Variants in PAPPA2 observed in about 807,000 individuals in gnomAD.
PAPPA2 encodes the protein pappalysin-2.
Under a neutral mutation model 176.4 loss-of-function variants are expected in PAPPA2, and 86 were observed. The ratio of observed to expected loss-of-function variants is 0.49; its 90% CI spans 0.41 to 0.58. The LOEUF is 0.58. Ranked by LOEUF, PAPPA2 falls within the 20% of genes least tolerant of loss-of-function variation. The pLI is 0.00. For synonymous variants in PAPPA2, 809 were observed against 852.2 expected (o/e 0.95, Z 0.88); for missense variants, 2,073 against 2,256.9 (o/e 0.92, Z 1.65).
intron 21 of PAPPA2, among the ~76,000 whole-genome samples, chr1:176,810,216 A>C (rs1396854858): frequency 6.6e-6 from 1 of 152,162 alleles, no homozygotes. Context: ...CCAAGATTAC[A>C]TACTTCAAGA....
intron 3 of PAPPA2, among the ~76,000 whole-genome samples, chr1:176,648,380 G>A (rs941135811): frequency 3.3e-5 from 5 of 151,240 alleles, no homozygotes; most frequent in Non-Finnish European, 4.4e-5. Flanking sequence ...TCATGTGTGA[G>A]CAAGGCTAAT....
At chr1:176,743,883 G>T (rs1662791837) in intron 14 of PAPPA2, among the ~76,000 whole-genome samples, 1 of 152,110 alleles carries the variant, frequency 6.6e-6, no homozygotes, top group South Asian at 2.1e-4. Context: ...ATATCCATAA[G>T]ATCTATGAGT....
intron 19 of PAPPA2, among the ~76,000 whole-genome samples, chr1:176,792,585 T>C (rs1437082565): frequency 6.6e-6 from 1 of 152,182 alleles, no homozygotes; most frequent in Non-Finnish European, 1.5e-5. Flanking sequence ...TGTAGTTCTT[T>C]TGATTGTTTT....
intron 3 of PAPPA2, among the ~76,000 whole-genome samples, chr1:176,658,092 T>A (rs1232819059): frequency 6.6e-6 from 1 of 152,150 alleles, no homozygotes; most frequent in Non-Finnish European, 1.5e-5. Flanking sequence ...AAATAAGGAA[T>A]GCTCTCTATT....
intron 1 of PAPPA2, among the ~76,000 whole-genome samples, chr1:176,547,813 T>C (rs879383288): frequency 8.5e-5 from 13 of 152,168 alleles, no homozygotes; most frequent in Admixed American, 2.0e-4. Context: ...TGGGAGGTGA[T>C]ATCATTTCTG....
At position 176,735,759 on chromosome 1, in the gene PAPPA2, CTCTA is replaced by C. The variant is rs528909292; in HGVS notation, c.3799-3863_3799-3860del. Reference sequence around the variant, plus strand: ...ATCTATCATCTATCTGTCTGTCTATCTCTATCTGTCTACCCATCCTTTGTTCATT... The same window carrying C: ...ATCTATCATCTATCTGTCTGTCTATCTCTGTCTACCCATCCTTTGTTCATT... On this transcript the variant is annotated intron_variant, in intron 12 of 22. Coordinates refer to ENST00000367662, the MANE Select transcript of PAPPA2 (RefSeq NM_020318.3). Among the ~76,000 whole-genome samples the C allele has an allele frequency of 5.3e-5, 8 of 151,742 alleles. No homozygotes were observed. In the East Asian group the frequency reaches 5.9e-4, roughly 11 times the overall value.
chr1:176,561,289 T>C (rs1011406039), intron 2 of PAPPA2, among the ~76,000 whole-genome samples: 15 of 152,234 alleles, frequency 9.9e-5, no homozygotes, highest in Admixed American at 7.9e-4. Flanking sequence ...AGAGTCGTTA[T>C]GATGCTTGAA....
intron 3 of PAPPA2, among the ~76,000 whole-genome samples, chr1:176,596,104 C>T (rs1288030730): frequency 2.6e-5 from 4 of 152,204 alleles, no homozygotes; most frequent in Admixed American, 1.3e-4. Context: ...TGTTACATCT[C>T]GCCACTAGTC....
chr1:176,637,737 A>G lies in PAPPA2; in HGVS notation c.1992-33233A>G, dbSNP rs546160854. The stretch of plus-strand genomic sequence containing the variant: ...TATGTTTTGCATGGGTACTATTGGT[A>G]GACAACACTGGCTCTTGATTCAATT... On this transcript the variant is annotated intron_variant, in intron 3 of 22. Coordinates refer to ENST00000367662, the MANE Select transcript of PAPPA2 (RefSeq NM_020318.3). Among the ~76,000 whole-genome samples the G allele has an allele frequency of 1.7e-4, 26 of 152,258 alleles. No individual in the cohort carries two copies. The South Asian group carries it at 5.0e-3, about 29-fold the overall frequency.
chr1:176,746,276 A>G (rs1662899119), intron 14 of PAPPA2, among the ~76,000 whole-genome samples: 2 of 152,254 alleles, frequency 1.3e-5, no homozygotes, highest in African/African-American at 4.8e-5. Flanking sequence ...TGGATTTGGA[A>G]CTGAGAGGCA....
chr1:176,552,421 T>G (rs888349716), intron 1 of PAPPA2, among the ~76,000 whole-genome samples: 4 of 144,658 alleles, frequency 2.8e-5, no homozygotes, highest in African/African-American at 1.0e-4. Context: ...CTGCCTGTCC[T>G]TCTCCCCTTC....
At chr1:176,481,615 T>C (rs1055277326) in intron 1 of PAPPA2, among the ~76,000 whole-genome samples, 1 of 152,242 alleles carries the variant, frequency 6.6e-6, no homozygotes, top group Admixed American at 6.5e-5. Flanking sequence ...AAATCAGTTT[T>C]AATCCTAGCA....
At chr1:176,625,013 G>T (rs1655925766) in intron 3 of PAPPA2, among the ~76,000 whole-genome samples, 1 of 152,156 alleles carries the variant, frequency 6.6e-6, no homozygotes, top group East Asian at 1.9e-4. Flanking sequence ...ATGATATCTG[G>T]GGTCTACATT....
At chr1:176,565,005 A>G (rs948176854) in intron 2 of PAPPA2, among the ~76,000 whole-genome samples, 1 of 152,054 alleles carries the variant, frequency 6.6e-6, no homozygotes, top group Non-Finnish European at 1.5e-5. Context: ...AGATTTGCCT[A>G]TTCTGTGTTA....
chr1:176,518,948 A>G (rs1649068348), intron 1 of PAPPA2, among the ~76,000 whole-genome samples: 2 of 152,232 alleles, frequency 1.3e-5, no homozygotes, highest in East Asian at 1.9e-4. Context: ...ATGTTCACAT[A>G]TGTCGTTCTA....
chr1:176,777,110 G>A lies in PAPPA2; in HGVS notation c.4715+5930G>A, dbSNP rs544700853. Among the ~76,000 whole-genome samples, 8 of 152,228 alleles carry A rather than the reference G, an allele frequency of 5.3e-5. 1 individual carries two copies. The highest frequency in any genetic ancestry group is 1.4e-4 in the African/African-American group (6 of 41,548). On this transcript the variant is annotated intron_variant, in intron 17 of 22. Coordinates refer to ENST00000367662, the MANE Select transcript of PAPPA2 (RefSeq NM_020318.3). ...GTAAAATAAAGGGAAATAATTGAGTGATTTCTAGCTCCAAACGTTTCTATT... is the reference window on the plus strand; with the variant it reads ...GTAAAATAAAGGGAAATAATTGAGTAATTTCTAGCTCCAAACGTTTCTATT...
chr1:176,475,238 G>T (rs1652058313), intron 1 of PAPPA2, among the ~76,000 whole-genome samples: 1 of 152,166 alleles, frequency 6.6e-6, no homozygotes, highest in Non-Finnish European at 1.5e-5. Flanking sequence ...ATTTGCTCCT[G>T]GCTGGCACAG....
chr1:176,702,843 G>T (rs1027326724), intron 9 of PAPPA2, 108 bp downstream of exon 9: 1 of 1,394,874 alleles, frequency 7.2e-7, no homozygotes. Flanking sequence ...CTAAACAGAA[G>T]TTTCAGGAGT....
chr1:176,832,583 C>T (rs1046548390), intron 21 of PAPPA2, among the ~76,000 whole-genome samples: 1 of 152,022 alleles, frequency 6.6e-6, no homozygotes, highest in Non-Finnish European at 1.5e-5. Context: ...AAACTCCTGG[C>T]CTCAGGTGAT....
Sources: allele counts gnomAD v4.1 joint callset (sites outside exome capture counted in the v4.1 genomes callset), GRCh38; gene constraint gnomAD v4.1.1; transcripts MANE v1.5; gene names NCBI Gene and HGNC (gene_info 2026-07-23, HGNC 2026-07-21).